RGS17: variants seen among roughly 807,000 people sequenced by gnomAD.
The protein encoded by RGS17 is regulator of G-protein signaling 17.
RGS17 carries 12 observed loss-of-function variants against 25.5 expected under a neutral mutation model. The observed-to-expected ratio is 0.47, with a 90% CI of 0.30 to 0.76. The LOEUF (loss-of-function observed/expected upper bound fraction) is 0.76, where lower values mean the gene tolerates loss of function less well. RGS17 is among the 30% of genes least tolerant of loss of function. RGS17 has a pLI of 0.07. For missense variants in RGS17, 196 were observed against 242.2 expected (o/e 0.81, Z 1.27); for synonymous variants, 71 against 76.9 (o/e 0.92, Z 0.40).
intron 1 of RGS17, among the ~76,000 whole-genome samples, chr6:153,046,382 G>A (rs1258250629): frequency 2.6e-5 from 4 of 151,954 alleles, no homozygotes; most frequent in South Asian, 2.1e-4. Context: ...TGTTTAAGAC[G>A]ATGAATATGG....
intron 1 of RGS17, among the ~76,000 whole-genome samples, chr6:153,106,122 T>C (rs1584159785): frequency 1.3e-5 from 2 of 151,704 alleles, no homozygotes; most frequent in Admixed American, 1.3e-4. Flanking sequence ...GAGAAGGGGG[T>C]CAAGGTCGAC....
At chr6:153,049,433 A>G (rs1776432103) in intron 1 of RGS17, among the ~76,000 whole-genome samples, 1 of 152,188 alleles carries the variant, frequency 6.6e-6, no homozygotes, top group Non-Finnish European at 1.5e-5. Context: ...TGGGAAGACC[A>G]AAATCTTAAT....
chr6:153,054,028 TA>T (rs1776510351), intron 1 of RGS17, among the ~76,000 whole-genome samples: 7 of 65,138 alleles, frequency 1.1e-4, no homozygotes, highest in Admixed American at 4.3e-4. Context: ...GTATATAATA[TA>T]TATACATATA....
intron 1 of RGS17, among the ~76,000 whole-genome samples, chr6:153,091,414 C>T (rs1050741343): frequency 2.6e-5 from 4 of 151,888 alleles, no homozygotes; most frequent in Non-Finnish European, 5.9e-5. Context: ...GGCTGTTGAG[C>T]TAAAATCTCC....
intron 1 of RGS17, among the ~76,000 whole-genome samples, chr6:153,116,877 G>A (rs1777554705): frequency 6.6e-6 from 1 of 152,090 alleles, no homozygotes; most frequent in African/African-American, 2.4e-5. Flanking sequence ...TGAACAATGA[G>A]AACACATGGA....
At chr6:153,096,469 G>C (rs961322539) in intron 1 of RGS17, among the ~76,000 whole-genome samples, 1 of 152,148 alleles carries the variant, frequency 6.6e-6, no homozygotes, top group African/African-American at 2.4e-5. Context: ...GCAGATTGGA[G>C]ATTCTGAGTG....
intron 4 of RGS17, among the ~76,000 whole-genome samples, chr6:153,022,287 C>G (rs1365059936): frequency 1.8e-4 from 28 of 152,128 alleles, no homozygotes; most frequent in Admixed American, 1.8e-3. Context: ...TAAATAATCA[C>G]TATTGTAACT....
chr6:153,125,809 C>A (rs1243088458), intron 1 of RGS17, among the ~76,000 whole-genome samples: 1 of 152,166 alleles, frequency 6.6e-6, no homozygotes, highest in Non-Finnish European at 1.5e-5. Flanking sequence ...TGAGCCACTG[C>A]ACTCCAGCCT....
chr6:153,080,886 T>G (rs1776969547), intron 1 of RGS17, among the ~76,000 whole-genome samples: 1 of 152,096 alleles, frequency 6.6e-6, no homozygotes, highest in Non-Finnish European at 1.5e-5. Context: ...GTTTGACTAC[T>G]ATTTGTTGTA....
At chr6:153,030,469 T>C (rs570318712) in intron 2 of RGS17, among the ~76,000 whole-genome samples, 3 of 152,260 alleles carry the variant, frequency 2.0e-5, no homozygotes, top group African/African-American at 7.2e-5. Flanking sequence ...AACTGAAGAA[T>C]CAATAAGATG....
At chr6:153,024,582 T>C in intron 3 of RGS17, 86 bp from the exon 4 acceptor site, 1 of 983,530 alleles carries the variant, frequency 1.0e-6, no homozygotes, top group Non-Finnish European at 1.6e-6. Context: ...CAGATAGAAA[T>C]TCTATCAATT....
chr6:153,057,871 T>A (rs954366151), intron 1 of RGS17, among the ~76,000 whole-genome samples: 14 of 152,170 alleles, frequency 9.2e-5, no homozygotes, highest in African/African-American at 3.4e-4. Flanking sequence ...CATGCTCCTA[T>A]GGGAATTTAA....
At position 153,047,915 on chromosome 6, in the gene RGS17, T is replaced by C. The variant is rs555851833; in HGVS notation, c.-25-3872A>G. On this transcript the variant is annotated intron_variant, in intron 1 of 4. Transcript: ENST00000206262. The stretch of plus-strand genomic sequence containing the variant: ...CCATACTCACCTGTCTGCTTTCTCA[T>C]CACTTCTTTGCAGTCTACTTTCTTG... Among the ~76,000 whole-genome samples, 146 of 152,340 alleles carry C rather than the reference T, an allele frequency of 9.6e-4. 1 individual carries two copies. Among genetic ancestry groups the C allele is most frequent in the African/African-American group, 3.2e-3 (134 of 41,576 alleles).
At chr6:153,100,999 C>A (rs1421001931) in intron 1 of RGS17, among the ~76,000 whole-genome samples, 1 of 152,196 alleles carries the variant, frequency 6.6e-6, no homozygotes, top group Non-Finnish European at 1.5e-5. Context: ...TCTCTCTGAG[C>A]CTATTCAGGC....
rs1458540853 is a variant in RGS17 at position 153,005,637 on chromosome 6, A to G, written c.*5937T>C. 6 of 152,206 alleles carry G rather than the reference A, an allele frequency of 3.9e-5. No individual in the cohort carries two copies. Among genetic ancestry groups the G allele is most frequent in the Admixed American group, 2.6e-4 (4 of 15,280 alleles). The allele number at this position is 152,206 out of a possible 1,614,324, so 9.4% of individuals were successfully genotyped here. A position where few individuals can be genotyped will look rare whatever the true frequency, so the allele number is the denominator to read the frequency against. On this transcript the variant is annotated 3_prime_UTR_variant, in exon 5 of 5. Transcript: ENST00000206262. ...TGGCACTTTACCGTTGTGTTCTTTC[A>G]AAAACCAAAAACCTGTGTCTAGTCA... is the stretch of plus-strand genomic sequence containing the variant.
intron 3 of RGS17, among the ~76,000 whole-genome samples, chr6:153,025,435 T>C (rs1779289340): frequency 1.3e-5 from 2 of 151,946 alleles, no homozygotes; most frequent in Admixed American, 1.3e-4. Context: ...AATTTAAAAC[T>C]ATATACAGAT....
chr6:153,103,073 C>T (rs1374616483), intron 1 of RGS17, among the ~76,000 whole-genome samples: 1 of 152,164 alleles, frequency 6.6e-6, no homozygotes, highest in Non-Finnish European at 1.5e-5. Context: ...GAATTTCTTA[C>T]AATAACCCAG....
At chr6:153,098,188 G>A (rs1424687473) in intron 1 of RGS17, among the ~76,000 whole-genome samples, 1 of 152,128 alleles carries the variant, frequency 6.6e-6, no homozygotes, top group African/African-American at 2.4e-5. Flanking sequence ...GTGGGTTACA[G>A]GAATAAAAGA....
rs756123514 is a variant in RGS17, at chr6:153,026,439, G to A, written c.209+15C>T. ...TAAATGCAAGAAACAATAGCTATGT[G>A]GTTCTCACACTCACCATTCCTCTAG... On this transcript the variant is annotated intron_variant, in intron 3 of 4. Coordinates refer to ENST00000206262, the MANE Select transcript of RGS17 (RefSeq NM_012419.5). 4.4e-6 allele frequency: 7 copies of A among 1,580,196 alleles called. No individual in the cohort carries two copies. Among genetic ancestry groups the A allele is most frequent in the Non-Finnish European group, 5.2e-6 (6 of 1,151,120 alleles).
Sources: allele counts gnomAD v4.1 joint callset (sites outside exome capture counted in the v4.1 genomes callset), GRCh38; gene constraint gnomAD v4.1.1; transcripts MANE v1.5; gene names NCBI Gene and HGNC (gene_info 2026-07-23, HGNC 2026-07-21).